MIR2052HG: variants seen among roughly 807,000 people sequenced by gnomAD.
MIR2052HG encodes MIR2052 host gene.
At chr8:74,669,964 G>A (rs1202765259) in intron 2 of MIR2052HG, among the ~76,000 whole-genome samples, 1 of 152,126 alleles carries the variant, frequency 6.6e-6, no homozygotes, top group African/African-American at 2.4e-5. Context: ...GGTAATTAAG[G>A]TCAAATGAGG....
intron 2 of MIR2052HG, among the ~76,000 whole-genome samples, chr8:74,690,828 T>G (rs1210174601): frequency 6.6e-6 from 1 of 151,760 alleles, no homozygotes; most frequent in East Asian, 1.9e-4. Flanking sequence ...CAGGAAGACA[T>G]CCGGTACCCA....
At chr8:74,655,395 A>G (rs868718979) in intron 2 of MIR2052HG, among the ~76,000 whole-genome samples, 69 of 152,078 alleles carry the variant, frequency 4.5e-4, no homozygotes, top group African/African-American at 1.6e-3. Flanking sequence ...GGAGGTAAAA[A>G]TGGTTTTGGG....
chr8:74,602,833 C>CTTTCTTTCTTTCTTTCTTTCTTTCTTTT (rs1808029916), intron 1 of MIR2052HG, among the ~76,000 whole-genome samples: 1 of 134,262 alleles, frequency 7.4e-6, no homozygotes, highest in South Asian at 2.3e-4. Flanking sequence ...TTCTTTCTTT[C>CTTTCTTTCTTTCTTTCTTTCTTTCTTTT]TTTCTTTCTT....
Position 74,602,873 on chromosome 8 carries a change from C to CTTTCTTTCTTTCTTTCTTTCTTTT in MIR2052HG, n.128+2968_128+2969insCTTTCTTTCTTTCTTTCTTTTTTT, listed in dbSNP as rs940052573. 3.1e-3 allele frequency among the ~76,000 whole-genome samples: 437 copies of CTTTCTTTCTTTCTTTCTTTCTTTT among 138,732 alleles called. 10 individuals carry two copies. Among genetic ancestry groups the CTTTCTTTCTTTCTTTCTTTCTTTT allele is most frequent in the African/African-American group, 0.011 (416 of 36,656 alleles). 91.0% of individuals were successfully genotyped at this position (138,732 alleles called of 152,430 possible). ...TCTTTCTTTCTTTCTTTCTTTCTTT[C>CTTTCTTTCTTTCTTTCTTTCTTTT]TTTTTTCTATTCACAAAGAAAAAGC... On this transcript the variant is annotated intron_variant and non_coding_transcript_variant, in intron 1 of 6. Coordinates refer to ENST00000523442, the Ensembl canonical transcript of MIR2052HG.
intron 4 of MIR2052HG, among the ~76,000 whole-genome samples, chr8:74,738,899 C>G (rs574331895): frequency 6.6e-6 from 1 of 152,220 alleles, no homozygotes; most frequent in African/African-American, 2.4e-5. Context: ...GGATGTTGGC[C>G]ATTAGGAGAT....
chr8:74,745,569 G>A lies in MIR2052HG; in HGVS notation n.372-6872G>A, dbSNP rs935610058. On this transcript the variant is annotated intron_variant and non_coding_transcript_variant, in intron 4 of 6. Coordinates refer to ENST00000523442, the Ensembl canonical transcript of MIR2052HG. ...AGTCTTTATGTAAACATCACTGTGG[G>A]TTTTTTTTTCACTGTAAATAGGCAT... is the stretch of plus-strand genomic sequence containing the variant. 2.7e-5 allele frequency among the ~76,000 whole-genome samples: 4 copies of A among 150,788 alleles called. No individual in the cohort carries two copies. In the East Asian group the frequency reaches 7.8e-4, roughly 29 times the overall value.
chr8:74,713,788 CA>C (rs964842478), intron 4 of MIR2052HG, among the ~76,000 whole-genome samples: 1 of 151,810 alleles, frequency 6.6e-6, no homozygotes, highest in Middle Eastern at 3.4e-3. Flanking sequence ...TACTCATTAA[CA>C]AAAAAACAAA....
At chr8:74,612,413 T>C (rs563294673) in intron 1 of MIR2052HG, 30 of 161,764 alleles carry the variant, frequency 1.9e-4, no homozygotes, top group African/African-American at 6.5e-4. Context: ...AAGCTCACTC[T>C]GAGGTAAAAG....
At chr8:74,676,677 T>TA (rs987504328) in intron 2 of MIR2052HG, among the ~76,000 whole-genome samples, 2 of 151,784 alleles carry the variant, frequency 1.3e-5, no homozygotes, top group South Asian at 2.1e-4. Flanking sequence ...GGTTTAAAAA[T>TA]AAAAAATATG....
chr8:74,733,959 G>T (rs1365563531), intron 4 of MIR2052HG, among the ~76,000 whole-genome samples: 1 of 152,210 alleles, frequency 6.6e-6, no homozygotes, highest in African/African-American at 2.4e-5. Flanking sequence ...AAAAGCAATG[G>T]CAACAAAAGC....
At chr8:74,744,594 C>A (rs978618381) in intron 4 of MIR2052HG, among the ~76,000 whole-genome samples, 1 of 151,742 alleles carries the variant, frequency 6.6e-6, no homozygotes, top group Non-Finnish European at 1.5e-5. Flanking sequence ...TTTGTCCTTG[C>A]GATAGTTTAC....
intron 2 of MIR2052HG, among the ~76,000 whole-genome samples, chr8:74,637,738 T>C (rs762270331): frequency 6.6e-6 from 1 of 152,186 alleles, no homozygotes; most frequent in Non-Finnish European, 1.5e-5. Context: ...TGTTTACAGA[T>C]AAGGTCTACA....
At chr8:74,693,399 G>C (rs933149043) in intron 2 of MIR2052HG, among the ~76,000 whole-genome samples, 2 of 152,018 alleles carry the variant, frequency 1.3e-5, no homozygotes, top group African/African-American at 4.8e-5. Flanking sequence ...TAATAATTTC[G>C]ATCTAATGTG....
intron 2 of MIR2052HG, among the ~76,000 whole-genome samples, chr8:74,675,788 G>C (rs1357525641): frequency 2.0e-5 from 3 of 151,972 alleles, no homozygotes; most frequent in African/African-American, 7.2e-5. Context: ...GACATTTAGA[G>C]AGGATGAAAA....
intron 1 of MIR2052HG, chr8:74,609,895 A>G (rs1808167816): frequency 6.6e-6 from 1 of 151,516 alleles, no homozygotes; most frequent in East Asian, 1.9e-4. Context: ...GACCAGGAAA[A>G]ATGTAAGAAT....
At chr8:74,600,067 T>C (rs1369128727) in intron 1 of MIR2052HG, among the ~76,000 whole-genome samples, 1 of 152,172 alleles carries the variant, frequency 6.6e-6, no homozygotes, top group Non-Finnish European at 1.5e-5. Flanking sequence ...AGTGAGGCAA[T>C]GCCTCGCCGT....
intron 2 of MIR2052HG, among the ~76,000 whole-genome samples, chr8:74,648,029 C>A (rs1454855151): frequency 6.6e-6 from 1 of 151,996 alleles, no homozygotes; most frequent in Non-Finnish European, 1.5e-5. Context: ...TAAAAAAGAA[C>A]AGAATAACAA....
intron 1 of MIR2052HG, among the ~76,000 whole-genome samples, chr8:74,602,868 T>C (rs1049539419): frequency 6.7e-6 from 1 of 148,798 alleles, no homozygotes. Context: ...TTTCTTTCTT[T>C]CTTTCTTTTT....
chr8:74,626,411 C>T (rs2128733427), intron 2 of MIR2052HG, among the ~76,000 whole-genome samples: 1 of 152,248 alleles, frequency 6.6e-6, no homozygotes, highest in South Asian at 2.1e-4. Flanking sequence ...AGGGATTGGG[C>T]CATTTCTTTC....
Sources: gnomAD v4.1 joint callset for allele counts (sites outside exome capture counted in the v4.1 genomes callset) on GRCh38, gnomAD v4.1.1 for gene constraint, MANE v1.5 for transcripts, NCBI Gene and HGNC (gene_info 2026-07-23, HGNC 2026-07-21) for gene names.